The following CSMD2 variants were observed in gnomAD, a reference collection of about 807,000 sequenced individuals.
CSMD2 encodes the protein CUB and Sushi multiple domains 2.
Under a neutral mutation model 398.5 loss-of-function variants are expected in CSMD2, and 130 were observed. The ratio of observed to expected loss-of-function variants is 0.33; its 90% CI spans 0.28 to 0.38. The LOEUF is 0.38. CSMD2 is among the 10% of genes least tolerant of loss of function. The pLI, the probability that CSMD2 is intolerant of heterozygous loss-of-function variation, is 1.00. For synonymous variants in CSMD2, 1,828 were observed against 1,908.5 expected, an observed-to-expected ratio of 0.96 and a Z score of 1.10; for missense variants, 3,829 against 4,764.9, an observed-to-expected ratio of 0.80 and a Z score of 5.78.
intron 3 of CSMD2, among the ~76,000 whole-genome samples, chr1:33,976,002 T>C (rs1000253150): frequency 6.6e-6 from 1 of 152,208 alleles, no homozygotes. Flanking sequence ...GGGCACCGCA[T>C]TTTAAGTTAA....
At chr1:33,969,498 T>C (rs1195019057) in intron 3 of CSMD2, among the ~76,000 whole-genome samples, 1 of 152,218 alleles carries the variant, frequency 6.6e-6, no homozygotes, top group African/African-American at 2.4e-5. Context: ...ATTTATTGCG[T>C]AGTTACAGAT....
chr1:33,684,326 G>A (rs969687314), intron 25 of CSMD2, among the ~76,000 whole-genome samples: 3 of 152,108 alleles, frequency 2.0e-5, no homozygotes, highest in African/African-American at 7.2e-5. Flanking sequence ...AAAAAACAAG[G>A]ACTATTAGCC....
intron 24 of CSMD2, among the ~76,000 whole-genome samples, chr1:33,697,486 T>C (rs949595551): frequency 3.9e-5 from 6 of 152,190 alleles, no homozygotes; most frequent in African/African-American, 1.2e-4. Context: ...AGACCCTCCA[T>C]TGTATAACAG....
At chr1:33,561,449 G>T (rs1313714727) in intron 53 of CSMD2, among the ~76,000 whole-genome samples, 3 of 152,148 alleles carry the variant, frequency 2.0e-5, no homozygotes, top group Non-Finnish European at 4.4e-5. Flanking sequence ...ATTTCACAGG[G>T]TTGCTTTGAA....
intron 2 of CSMD2, among the ~76,000 whole-genome samples, chr1:34,034,696 A>G (rs562755730): frequency 3.3e-5 from 5 of 152,132 alleles, no homozygotes; most frequent in South Asian, 2.1e-4. Flanking sequence ...TTGGTTTTCT[A>G]TCTCTTGAAA....
rs918511005 is a variant in CSMD2 at position 33,579,532 on chromosome 1, G to A, written c.7387+1221C>T. Reference sequence around the variant, plus strand: ...TCCTCTGGTTGGCTCTCCCCTGAAAGCTACACCCAGGGATTCTTTAAGACT... The same window carrying A: ...TCCTCTGGTTGGCTCTCCCCTGAAAACTACACCCAGGGATTCTTTAAGACT... On this transcript the variant is annotated intron_variant, in intron 48 of 70. Transcript: ENST00000373381. 2.0e-5 allele frequency among the ~76,000 whole-genome samples: 3 copies of A among 152,014 alleles called. No individual in the cohort carries two copies. In the South Asian group the frequency reaches 6.2e-4, roughly 32 times the overall value.
At chr1:33,575,604 A>C (rs16835609) in intron 49 of CSMD2, among the ~76,000 whole-genome samples, 1 of 152,218 alleles carries the variant, frequency 6.6e-6, no homozygotes, top group South Asian at 2.1e-4. Context: ...GGATGGGTCA[A>C]CTGAAGTCTG....
Position 33,559,210 on chromosome 1 carries a change from G to T in CSMD2, c.8554+90C>A. 1 of 1,219,940 alleles carries T rather than the reference G, an allele frequency of 8.2e-7. No homozygotes were observed. The allele number at this position is 1,219,940 out of a possible 1,614,324, so 75.6% of individuals were successfully genotyped here. A position where few individuals can be genotyped will look rare whatever the true frequency, so the allele number is the denominator to read the frequency against. On this transcript the variant is annotated intron_variant, in intron 54 of 70. Coordinates refer to ENST00000373381, the MANE Select transcript of CSMD2 (RefSeq NM_001281956.2). The surrounding 1 kb of genome is among the most constrained non-coding windows in gnomAD (Gnocchi z 4.0). ...CCCTATCTGGATCAGAATGATGCCA[G>T]AATGAATTCACTGGCTTCTTTTTCT... is the stretch of plus-strand genomic sequence containing the variant.
At chr1:33,923,995 A>G (rs1232197963) in intron 4 of CSMD2, among the ~76,000 whole-genome samples, 2 of 152,114 alleles carry the variant, frequency 1.3e-5, no homozygotes, top group Non-Finnish European at 2.9e-5. Context: ...ACCTCTCTTC[A>G]TGCCCTACAT....
chr1:34,156,888 AAAGT>A (rs1483863733), intron 1 of CSMD2, among the ~76,000 whole-genome samples: 2 of 152,190 alleles, frequency 1.3e-5, no homozygotes, highest in African/African-American at 4.8e-5. Context: ...AAACAGGTGG[AAAGT>A]AAGAGAGTCT....
chr1:33,940,579 G>A (rs1378534831), intron 3 of CSMD2, among the ~76,000 whole-genome samples: 1 of 151,960 alleles, frequency 6.6e-6, no homozygotes, highest in African/African-American at 2.4e-5. Flanking sequence ...GGCACAGAGA[G>A]CTTCATTCAC....
chr1:34,076,607 C>T (rs1025978577), intron 2 of CSMD2, among the ~76,000 whole-genome samples: 2 of 6,650 alleles, frequency 3.0e-4, no homozygotes, highest in East Asian at 0.056. Context: ...CCTCATGATT[C>T]ACAAATTATT....
chr1:33,936,024 T>C, intron 3 of CSMD2, 70 bp from the exon 4 acceptor site: 2 of 1,367,224 alleles, frequency 1.5e-6, no homozygotes, highest in Non-Finnish European at 2.0e-6. Flanking sequence ...CCGGGCTTCC[T>C]AGTAGCAACT....
In CSMD2 at chr1:33,935,809, A is replaced by G; in HGVS notation, c.663T>C (p.Ala221=). 6.2e-7 allele frequency: 1 copy of G among 1,613,896 alleles called. No individual in the cohort carries two copies. The change falls in exon 4 of 71, where the codon GCT becomes GCC. Residue 221 remains alanine (A), a synonymous_variant. Transcript: ENST00000373381. The part of the protein sequence containing the change: ...LEGHAVLTCH[A]GSENSATWDF... ...CCCACGTGGCGCTGTTCTCAGAGCC[A>G]GCGTGGCAGGTGAGCACGGCGTGGC...
At chr1:33,605,818 C>T (rs1401528877) in intron 41 of CSMD2, 1 of 1,511,086 alleles carries the variant, frequency 6.6e-7, no homozygotes, top group South Asian at 1.2e-5. Flanking sequence ...CCACTGGGGG[C>T]CAGGCACCAG....
At chr1:33,626,664 G>A (rs1243949394) in intron 32 of CSMD2, 83 bp from the exon 33 acceptor site, 25 of 915,774 alleles carry the variant, frequency 2.7e-5, no homozygotes, top group Middle Eastern at 3.5e-4. Flanking sequence ...AGGAAGGAGG[G>A]GCTGCCAGTA....
At chr1:33,676,568 T>A (rs375847294) in intron 25 of CSMD2, among the ~76,000 whole-genome samples, 1 of 152,114 alleles carries the variant, frequency 6.6e-6, no homozygotes, top group Non-Finnish European at 1.5e-5. Flanking sequence ...CCATCCCCAT[T>A]AAGCTACCAA....
chr1:33,844,781 C>T (rs540916539), intron 6 of CSMD2, among the ~76,000 whole-genome samples: 50 of 152,278 alleles, frequency 3.3e-4, no homozygotes, highest in African/African-American at 1.1e-3. Context: ...AAATGCCAAG[C>T]GCTTAAAATC....
Position 33,519,490 on chromosome 1 carries a change from T to TGGC in CSMD2, c.*25_*27dup. ...CGGCTGCTGGAGGCGGGGCTCTCGGTGGCGGTGGTGGCGGCCAGGCCGGGT... is the reference window on the plus strand; with the variant it reads ...CGGCTGCTGGAGGCGGGGCTCTCGGTGGCGGCGGTGGTGGCGGCCAGGCCGGGT... On this transcript the variant is annotated 3_prime_UTR_variant, in exon 70 of 71. Transcript: ENST00000373381. This position sits in a 1 kb window ranked among gnomAD's most constrained non-coding sequence, Gnocchi z 5.6. The TGGC allele has an allele frequency of 6.2e-7, 1 of 1,607,094 alleles. No individual in the cohort carries two copies. The highest frequency in any genetic ancestry group is 8.5e-7 in the Non-Finnish European group (1 of 1,177,410).
Sources: gnomAD v4.1 joint callset for allele counts (sites outside exome capture counted in the v4.1 genomes callset) on GRCh38, gnomAD v4.1.1 for gene constraint, Gnocchi (gnomAD v3.1) non-coding constraint, MANE v1.5 for transcripts, NCBI Gene and HGNC (gene_info 2026-07-23, HGNC 2026-07-21) for gene names.